EPHA3: variants seen among roughly 807,000 people sequenced by gnomAD.
EPHA3 encodes EPH receptor A3.
In EPHA3, 42 loss-of-function variants were observed where a neutral mutation model predicts 107.1. That is an observed-to-expected ratio of 0.39 (90% CI 0.31 to 0.51). EPHA3 has a LOEUF of 0.51. EPHA3 is among the 20% of genes least tolerant of loss of function. The pLI is 0.78. For missense variants in EPHA3, 1,183 were observed against 1,211.2 expected (o/e 0.98, Z 0.35); for synonymous variants, 461 against 424.8 (o/e 1.09, Z -1.05).
At chr3:89,370,419 A>G (rs567085308) in intron 5 of EPHA3, among the ~76,000 whole-genome samples, 1 of 151,552 alleles carries the variant, frequency 6.6e-6, no homozygotes, top group Non-Finnish European at 1.5e-5. Context: ...AAAAAACCAA[A>G]CACCGCATGT....
chr3:89,159,187 T>TTA (rs200448827), intron 2 of EPHA3, among the ~76,000 whole-genome samples: 1 of 152,186 alleles, frequency 6.6e-6, no homozygotes, highest in Non-Finnish European at 1.5e-5. Flanking sequence ...ATCAAAGATT[T>TTA]TATTTTTAGC....
At chr3:89,324,629 C>A (rs1707124959) in intron 3 of EPHA3, among the ~76,000 whole-genome samples, 1 of 151,980 alleles carries the variant, frequency 6.6e-6, no homozygotes, top group Non-Finnish European at 1.5e-5. Context: ...TACATACACA[C>A]TGTGAAATGA....
intron 1 of EPHA3, among the ~76,000 whole-genome samples, chr3:89,108,956 T>G (rs1466341607): frequency 6.6e-6 from 1 of 152,132 alleles, no homozygotes; most frequent in Non-Finnish European, 1.5e-5. Context: ...TATACATCAC[T>G]CCTTAGAAAA....
At chr3:89,149,576 T>C (rs1240394225) in intron 2 of EPHA3, among the ~76,000 whole-genome samples, 1 of 151,942 alleles carries the variant, frequency 6.6e-6, no homozygotes, top group East Asian at 1.9e-4. Context: ...TGTTGTGTGC[T>C]GCACCCATTA....
At chr3:89,264,969 T>A (rs1366023346) in intron 3 of EPHA3, among the ~76,000 whole-genome samples, 1 of 152,174 alleles carries the variant, frequency 6.6e-6, no homozygotes, top group East Asian at 1.9e-4. Context: ...TAGGGGATAT[T>A]AGATGTTTTG....
intron 3 of EPHA3, among the ~76,000 whole-genome samples, chr3:89,275,809 A>G (rs1434842952): frequency 1.3e-5 from 2 of 152,128 alleles, no homozygotes; most frequent in African/African-American, 4.8e-5. Context: ...CTCAATATTT[A>G]TTGAAGGCAT....
chr3:89,395,866 G>C lies in EPHA3; in HGVS notation c.1336G>C (p.Asp446His). ...ATCACCTGTCCTGACGATTAAGAAA[G>C]ATCGGACCTCCAGAAATAGCATCTC... The part of the protein sequence containing the change: ...APSPVLTIKK[D>H]RTSRNSISLS... Residue 446 changes from aspartate to histidine, a missense_variant, in exon 6 of 17, where the codon GAT becomes CAT. Coordinates refer to ENST00000336596, the MANE Select transcript of EPHA3 (RefSeq NM_005233.6). 6.2e-7 allele frequency: 1 copy of C among 1,614,014 alleles called. No homozygotes were observed.
chr3:89,310,383 T>C (rs1193881886), intron 3 of EPHA3, among the ~76,000 whole-genome samples: 1 of 152,106 alleles, frequency 6.6e-6, no homozygotes, highest in Non-Finnish European at 1.5e-5. Context: ...TCATTAATTT[T>C]TTTTAAAGTT....
At chr3:89,399,533 A>G (rs746420703) in intron 7 of EPHA3, 53 bp downstream of exon 7, 7 of 1,597,458 alleles carry the variant, frequency 4.4e-6, no homozygotes, top group Non-Finnish European at 6.0e-6. Flanking sequence ...CTTGCAAAAG[A>G]TGTCTGATCG....
chr3:89,420,716 G>T (rs2107527984), intron 11 of EPHA3, among the ~76,000 whole-genome samples: 1 of 151,504 alleles, frequency 6.6e-6, no homozygotes, highest in African/African-American at 2.4e-5. Context: ...GTCTCATTGG[G>T]ATTTTAGTGT....
At position 89,466,735 on chromosome 3, in the gene EPHA3, C is replaced by G. The variant is rs1365353500; in HGVS notation, c.2691-5729C>G. 5.1e-5 allele frequency among the ~76,000 whole-genome samples: 7 copies of G among 136,198 alleles called. 1 individual carries two copies. The East Asian group carries it at 1.4e-3, about 27-fold the overall frequency. 89.4% of individuals were successfully genotyped at this position (136,198 alleles called of 152,430 possible). ...ACTGGCCTGCGCCCACTGTCTGGCA[C>G]TCCCTAGTGAGATGAACCCGGTACC... On this transcript the variant is annotated intron_variant, in intron 15 of 16. Transcript: ENST00000336596.
At chr3:89,387,720 T>G (rs887452245) in intron 5 of EPHA3, among the ~76,000 whole-genome samples, 1 of 152,196 alleles carries the variant, frequency 6.6e-6, no homozygotes, top group Non-Finnish European at 1.5e-5. Context: ...ACAAGGAATA[T>G]GTTGATTAAT....
chr3:89,365,205 G>T (rs1708164753), intron 5 of EPHA3, among the ~76,000 whole-genome samples: 1 of 150,736 alleles, frequency 6.6e-6, no homozygotes, highest in South Asian at 2.1e-4. Flanking sequence ...GTAAAGAAGG[G>T]TTTAACAGGA....
chr3:89,340,803 A>C, intron 3 of EPHA3, 113 bp from the exon 4 acceptor site: 1 of 1,190,308 alleles, frequency 8.4e-7, no homozygotes. Flanking sequence ...TCTTGGAGGA[A>C]AAAACTTGAT....
At chr3:89,126,043 G>C (rs986422308) in intron 1 of EPHA3, among the ~76,000 whole-genome samples, 38 of 151,594 alleles carry the variant, frequency 2.5e-4, no homozygotes, top group African/African-American at 9.2e-4. Flanking sequence ...TAAAAGGATG[G>C]TGCTTTTCAT....
chr3:89,134,975 A>G (rs1320883589), intron 2 of EPHA3, among the ~76,000 whole-genome samples: 1 of 152,224 alleles, frequency 6.6e-6, no homozygotes, highest in Non-Finnish European at 1.5e-5. Context: ...AACATATTTC[A>G]CACTTAATTC....
chr3:89,359,784 TATATATAC>T (rs1228660654), intron 5 of EPHA3, among the ~76,000 whole-genome samples: 1 of 145,270 alleles, frequency 6.9e-6, no homozygotes, highest in Admixed American at 7.1e-5. Flanking sequence ...TATATATACA[TATATATAC>T]ATATATACAC....
chr3:89,365,087 T>A (rs1181098876), intron 5 of EPHA3, among the ~76,000 whole-genome samples: 1 of 150,834 alleles, frequency 6.6e-6, no homozygotes, highest in African/African-American at 2.4e-5. Context: ...CTAAATATAG[T>A]TTGTGCAAAG....
Position 89,200,523 on chromosome 3 carries a change from T to C in EPHA3, c.154-9337T>C, listed in dbSNP as rs142727502. On this transcript the variant is annotated intron_variant, in intron 2 of 16. Coordinates refer to ENST00000336596, the MANE Select transcript of EPHA3 (RefSeq NM_005233.6). ...CTTGCTAAAGCTCTTCTCTTTTTTATTCTTTATTGTACCAACTCCCAGTCC... is the reference window on the plus strand; with the variant it reads ...CTTGCTAAAGCTCTTCTCTTTTTTACTCTTTATTGTACCAACTCCCAGTCC... Among the ~76,000 whole-genome samples, 734 of 152,304 alleles carry C rather than the reference T, an allele frequency of 4.8e-3. 2 individuals are homozygous for C. The highest frequency in any genetic ancestry group is 0.014 in the Middle Eastern group (4 of 294).
Sources: gnomAD v4.1 joint callset for allele counts (sites outside exome capture counted in the v4.1 genomes callset) on GRCh38, gnomAD v4.1.1 for gene constraint, MANE v1.5 for transcripts, NCBI Gene and HGNC (gene_info 2026-07-23, HGNC 2026-07-21) for gene names.